DPRX: variants seen among roughly 807,000 people sequenced by gnomAD.
The protein encoded by DPRX is divergent paired-related homeobox.
In DPRX, 11 loss-of-function variants were observed where a neutral mutation model predicts 8.4. That is an observed-to-expected ratio of 1.31 (90% CI 0.82 to 2.17). The LOEUF is 2.17. Ranked by LOEUF, DPRX falls within the 30% of genes most tolerant of loss-of-function variation. DPRX has a pLI of 0.00. For missense variants in DPRX, 211 were observed against 236.7 expected, an observed-to-expected ratio of 0.89 and a Z score of 0.71; for synonymous variants, 72 against 87.0, an observed-to-expected ratio of 0.83 and a Z score of 0.96.
the DPRX span, chr19:53,606,660 G>A: frequency 1.3e-5 from 2 of 152,092 alleles, no homozygotes; most frequent in Non-Finnish European, 2.9e-5. The surrounding 1 kb of genome is among the most constrained non-coding windows in gnomAD (Gnocchi z 4.8). Flanking sequence ...CGGTGAGGGT[G>A]GAGGGCTTCT....
chr19:53,601,668 A>G, the DPRX span, among the ~76,000 whole-genome samples: 4 of 151,270 alleles, frequency 2.6e-5, no homozygotes, highest in South Asian at 2.1e-4. Context: ...TTTTAGTAGA[A>G]CCGGAATTTC....
At chr19:53,604,152 C>T in the DPRX span, among the ~76,000 whole-genome samples, 3 of 152,074 alleles carry the variant, frequency 2.0e-5, no homozygotes, top group African/African-American at 4.8e-5. Context: ...ATGCTGTGAA[C>T]GCTACCGGCC....
At chr19:53,609,195 T>C in the DPRX span, among the ~76,000 whole-genome samples, 1 of 151,024 alleles carries the variant, frequency 6.6e-6, no homozygotes, top group Non-Finnish European at 1.5e-5. Context: ...TGGCTGGGTA[T>C]TGTGGCTCAC....
upstream of DPRX, among the ~76,000 whole-genome samples, chr19:53,627,463 G>A (rs545747925): frequency 7.1e-5 from 10 of 141,520 alleles, no homozygotes; most frequent in East Asian, 2.1e-3. Context: ...TGGAGACAGA[G>A]TTCACTCTTA....
chr19:53,621,225 CG>C, the DPRX span, among the ~76,000 whole-genome samples: 1 of 152,000 alleles, frequency 6.6e-6, no homozygotes, highest in African/African-American at 2.4e-5. Flanking sequence ...CCCAACCCCC[CG>C]GGTTCAAGCA....
the DPRX span, among the ~76,000 whole-genome samples, chr19:53,609,968 G>A: frequency 6.6e-6 from 1 of 150,728 alleles, no homozygotes; most frequent in Non-Finnish European, 1.5e-5. Flanking sequence ...CTGGGCAACA[G>A]AGCAAGACTC....
At chr19:53,608,843 T>C in the DPRX span, among the ~76,000 whole-genome samples, 2 of 150,046 alleles carry the variant, frequency 1.3e-5, no homozygotes, top group Non-Finnish European at 3.0e-5. Flanking sequence ...TAGTCCCAGC[T>C]ACTCGGGAGG....
chr19:53,615,690 T>G, the DPRX span, among the ~76,000 whole-genome samples: 1 of 152,078 alleles, frequency 6.6e-6, no homozygotes, highest in Non-Finnish European at 1.5e-5. Flanking sequence ...ATCCTTAATT[T>G]TATTTTTATT....
chr19:53,612,567 C>T, the DPRX span, among the ~76,000 whole-genome samples: 4 of 151,838 alleles, frequency 2.6e-5, no homozygotes, highest in East Asian at 3.9e-4. Context: ...ATTAGCCGGC[C>T]ATGCTGGCAG....
At chr19:53,626,249 T>C in the DPRX span, among the ~76,000 whole-genome samples, 3 of 151,888 alleles carry the variant, frequency 2.0e-5, no homozygotes, top group South Asian at 2.1e-4. Flanking sequence ...CAGCTAATTT[T>C]TGTATTTTTA....
At chr19:53,609,264 T>A in the DPRX span, among the ~76,000 whole-genome samples, 1 of 150,486 alleles carries the variant, frequency 6.6e-6, no homozygotes, top group African/African-American at 2.4e-5. Flanking sequence ...GCTCAGGAGT[T>A]CAAGACCAGC....
chr19:53,608,944 A>T, the DPRX span, among the ~76,000 whole-genome samples: 1 of 109,656 alleles, frequency 9.1e-6, no homozygotes, highest in Non-Finnish European at 1.7e-5. Flanking sequence ...GGACAGAGTG[A>T]GACTCCGTCA....
the DPRX span, among the ~76,000 whole-genome samples, chr19:53,613,240 C>T: frequency 2.6e-5 from 4 of 152,030 alleles, no homozygotes; most frequent in Admixed American, 6.6e-5. Flanking sequence ...GCTTTCAAAG[C>T]GCCTGTCAAA....
the DPRX span, chr19:53,601,955 C>T: frequency 2.2e-6 from 1 of 449,872 alleles, no homozygotes. Context: ...ATGCAGAGTC[C>T]ACTGACTCAG....
the DPRX span, among the ~76,000 whole-genome samples, chr19:53,626,045 T>A: frequency 6.6e-6 from 1 of 152,044 alleles, no homozygotes; most frequent in Non-Finnish European, 1.5e-5. Flanking sequence ...CAAGTGGTCC[T>A]CCCACCTCAG....
the DPRX span, among the ~76,000 whole-genome samples, chr19:53,618,491 ATG>A: frequency 6.6e-6 from 1 of 151,694 alleles, no homozygotes; most frequent in African/African-American, 2.4e-5. Context: ...AAACACTACT[ATG>A]GACATGGTAG....
At chr19:53,632,507 C>T (rs1384387836) in intron 1 of DPRX, among the ~76,000 whole-genome samples, 2 of 151,594 alleles carry the variant, frequency 1.3e-5, no homozygotes, top group Admixed American at 1.3e-4. Flanking sequence ...CCGGGGGTTT[C>T]ACCATATTGA....
the DPRX span, among the ~76,000 whole-genome samples, chr19:53,603,037 G>GTA: frequency 0.014 from 2,142 of 149,632 alleles, 34 homozygotes; most frequent in African/African-American, 0.038. Context: ...GTGTGTGTGT[G>GTA]TATATATATA....
At chr19:53,606,347 C>T in the DPRX span, 1 of 152,344 alleles carries the variant, frequency 6.6e-6, no homozygotes, top group African/African-American at 2.4e-5. The surrounding 1 kb of genome is among the most constrained non-coding windows in gnomAD (Gnocchi z 4.8). Context: ...GCTCTGTCGC[C>T]TCCGTGGGTG....
Sources: allele counts gnomAD v4.1 joint callset (sites outside exome capture counted in the v4.1 genomes callset), GRCh38; gene constraint gnomAD v4.1.1; non-coding constraint Gnocchi (gnomAD v3.1); transcripts MANE v1.5; gene names NCBI Gene and HGNC (gene_info 2026-07-23, HGNC 2026-07-21).